The following HHLA1 variants were observed in gnomAD, a reference collection of about 807,000 sequenced individuals.
HHLA1 encodes HERV-H LTR-associating protein 1.
Under a neutral mutation model 69.9 loss-of-function variants are expected in HHLA1, and 72 were observed. The observed-to-expected ratio is 1.03, with a 90% confidence interval of 0.85 to 1.25. The LOEUF (loss-of-function observed/expected upper bound fraction) is 1.25. Ranked by LOEUF, HHLA1 falls within the 50% of genes most tolerant of loss-of-function variation. HHLA1 has a pLI of 0.00. For synonymous variants in HHLA1, 252 were observed against 233.2 expected (o/e 1.08, Z -0.73); for missense variants, 685 against 642.2 (o/e 1.07, Z -0.72).
chr8:132,090,455 T>G (rs999120145), intron 7 of HHLA1, among the ~76,000 whole-genome samples: 1 of 152,244 alleles, frequency 6.6e-6, no homozygotes, highest in African/African-American at 2.4e-5. Context: ...GCTGTGTAAA[T>G]GCTCCTTTCA....
At chr8:132,109,039 G>T (rs1018163393) in intron 1 of HHLA1, among the ~76,000 whole-genome samples, 2 of 152,098 alleles carry the variant, frequency 1.3e-5, no homozygotes, top group African/African-American at 4.8e-5. Context: ...ACGAAGTCTC[G>T]CTCTGTCGCC....
intron 7 of HHLA1, among the ~76,000 whole-genome samples, chr8:132,093,091 G>A (rs1452580205): frequency 6.6e-6 from 1 of 152,192 alleles, no homozygotes; most frequent in Non-Finnish European, 1.5e-5. Flanking sequence ...CCTATATGTA[G>A]AGCAGGATGT....
chr8:132,076,245 A>AGAGTCAGGAGAACTGGTTTATAAGCCT, intron 13 of HHLA1, 116 bp from the exon 14 acceptor site: 1 of 850,824 alleles, frequency 1.2e-6, no homozygotes, highest in Non-Finnish European at 1.8e-6. Flanking sequence ...CTATAGGAAA[A>AGAGTCAGGAGAACTGGTTTATAAGCCT]TGATAGCCAA....
intron 16 of HHLA1, among the ~76,000 whole-genome samples, chr8:132,065,098 G>C (rs1421248095): frequency 6.6e-6 from 1 of 152,062 alleles, no homozygotes; most frequent in Non-Finnish European, 1.5e-5. Flanking sequence ...TATGGGTTTT[G>C]GGATATTTTT....
At chr8:132,074,739 A>G (rs1195027386) in intron 14 of HHLA1, among the ~76,000 whole-genome samples, 1 of 152,238 alleles carries the variant, frequency 6.6e-6, no homozygotes, top group Non-Finnish European at 1.5e-5. Flanking sequence ...GAAGTTAAGA[A>G]ATAAAGATAA....
intron 10 of HHLA1, among the ~76,000 whole-genome samples, chr8:132,083,765 T>A (rs1823805560): frequency 6.6e-6 from 1 of 152,120 alleles, no homozygotes; most frequent in South Asian, 2.1e-4. Context: ...CGTTTGGAAG[T>A]TCTTGTGTGC....
At chr8:132,084,741 G>A (rs1050979038) in intron 10 of HHLA1, among the ~76,000 whole-genome samples, 20 of 132,644 alleles carry the variant, frequency 1.5e-4, no homozygotes, top group African/African-American at 5.7e-4. Flanking sequence ...CAAGCCTAGA[G>A]AAAAGACTTG....
At chr8:132,089,243 A>G (rs766385782) in intron 8 of HHLA1, among the ~76,000 whole-genome samples, 13 of 152,158 alleles carry the variant, frequency 8.5e-5, no homozygotes, top group Non-Finnish European at 1.5e-4. Flanking sequence ...TACTCACCAG[A>G]TGTTTTCTTG....
chr8:132,105,056 A>T (rs1350998501), intron 2 of HHLA1, 131 bp downstream of exon 2: 1 of 717,030 alleles, frequency 1.4e-6, no homozygotes, highest in Non-Finnish European at 2.4e-6. Context: ...TAGGGAAGTT[A>T]TTCTTGCCAT....
At chr8:132,095,388 A>T in intron 7 of HHLA1, 131 bp downstream of exon 7, 1 of 537,878 alleles carries the variant, frequency 1.9e-6, no homozygotes. Flanking sequence ...GGGATAATGA[A>T]TGAGCACATG....
chr8:132,095,676 C>A, intron 6 of HHLA1, 27 bp downstream of exon 6: 1 of 1,543,424 alleles, frequency 6.5e-7, no homozygotes, highest in Non-Finnish European at 8.8e-7. Flanking sequence ...CCACCACCAC[C>A]ATCAAGAAGA....
intron 14 of HHLA1, among the ~76,000 whole-genome samples, chr8:132,073,030 C>T (rs1823574950): frequency 6.6e-6 from 1 of 152,206 alleles, no homozygotes; most frequent in Non-Finnish European, 1.5e-5. Context: ...CTGGTTTCCT[C>T]ATTACTTAAT....
chr8:132,110,663 T>G (rs1824281352), intron 1 of HHLA1, among the ~76,000 whole-genome samples: 1 of 152,208 alleles, frequency 6.6e-6, no homozygotes, highest in Non-Finnish European at 1.5e-5. Context: ...AAGTCCAGTC[T>G]GTTTGCTGCC....
At chr8:132,094,562 G>T (rs1446811159) in intron 7 of HHLA1, among the ~76,000 whole-genome samples, 1 of 152,080 alleles carries the variant, frequency 6.6e-6, no homozygotes, top group East Asian at 1.9e-4. Flanking sequence ...CACAGGGCTG[G>T]CCCCTCACAT....
intron 1 of HHLA1, among the ~76,000 whole-genome samples, chr8:132,107,900 A>C (rs1824232575): frequency 6.6e-6 from 1 of 152,338 alleles, no homozygotes; most frequent in African/African-American, 2.4e-5. Context: ...TAAAACTGAG[A>C]CTATCTGGCC....
rs1823707544 is a variant in HHLA1, at chr8:132,079,725, T to C, written c.918A>G (p.Pro306=). ...GGTGAGAATGCATCTTACCCAAGGC[T>C]GGGAGAGTGTGGGAGGCACTGAACC... The part of the protein sequence containing the change: ...ATWFSASHTL[P]ALATRRVART... The change falls in exon 11 of 17, where the codon CCA becomes CCG. Residue 306 remains proline (P), a synonymous_variant. Transcript: ENST00000414222. 6.5e-7 allele frequency: 1 copy of C among 1,548,146 alleles called. No homozygotes were observed.
chr8:132,090,448 G>A (rs1052410514), intron 7 of HHLA1, among the ~76,000 whole-genome samples: 1 of 152,222 alleles, frequency 6.6e-6, no homozygotes, highest in African/African-American at 2.4e-5. Context: ...CCATCATGCT[G>A]TGTAAATGCT....
At position 132,077,870 on chromosome 8, in the gene HHLA1, G is replaced by GT; in HGVS notation, c.1026dup (p.Pro343ThrfsTer33). 6.4e-7 allele frequency: 1 copy of GT among 1,551,510 alleles called. No homozygotes were observed. The highest frequency in any genetic ancestry group is 8.7e-7 in the Non-Finnish European group (1 of 1,146,958). On this transcript the variant is annotated frameshift_variant, in exon 12 of 17. Coordinates refer to ENST00000414222, the MANE Select transcript of HHLA1 (RefSeq NM_001145095.3). LOFTEE classifies it high-confidence loss of function. The stretch of plus-strand genomic sequence containing the variant: ...CGAGTTTCCCAGAGAGACCCTCCAG[G>GT]TTTTTTCTCACTGATGGTCTGAGCC...
At position 132,105,200 on chromosome 8, in the gene HHLA1, G is replaced by A; in HGVS notation, c.66C>T (p.Ser22=). ...KLCMGLACVL[S]LWNTVSGIKG... is the part of the protein sequence containing the mutation. ...AGCTAGACCCACCTGTGTTCCAAAG[G>A]GACAAGACACATGCCAGGCCCATGC... Residue 22 remains serine, a synonymous_variant, in exon 2 of 17, where the codon TCC becomes TCT. Transcript: ENST00000414222. The A allele has an allele frequency of 1.3e-6, 2 of 1,551,892 alleles. No individual in the cohort carries two copies. The highest frequency in any genetic ancestry group is 1.7e-6 in the Non-Finnish European group (2 of 1,146,882).
Sources: allele counts gnomAD v4.1 joint callset (sites outside exome capture counted in the v4.1 genomes callset), GRCh38; gene constraint gnomAD v4.1.1; transcripts MANE v1.5; gene names NCBI Gene and HGNC (gene_info 2026-07-23, HGNC 2026-07-21).